The following PDGFRA variants were observed in gnomAD, a reference collection of about 807,000 sequenced individuals.
The protein encoded by PDGFRA is platelet-derived growth factor receptor alpha.
A neutral mutation model predicts 121.5 loss-of-function variants in PDGFRA; 25 were observed. The observed-to-expected ratio is 0.21, with a 90% CI of 0.15 to 0.29. The LOEUF (loss-of-function observed/expected upper bound fraction) is 0.29. Ranked by LOEUF, PDGFRA falls within the 10% of genes least tolerant of loss-of-function variation. The pLI is 1.00. For missense variants in PDGFRA, 1,008 were observed against 1,345.1 expected, an observed-to-expected ratio of 0.75 and a Z score of 3.92; for synonymous variants, 463 against 494.8, an observed-to-expected ratio of 0.94 and a Z score of 0.85.
intron 1 of PDGFRA, among the ~76,000 whole-genome samples, chr4:54,255,925 C>G (rs74406278): frequency 3.3e-5 from 5 of 152,162 alleles, no homozygotes; most frequent in African/African-American, 7.2e-5. Flanking sequence ...TAGGCCCACT[C>G]CATTGCATGA....
At chr4:54,290,603 G>A in intron 22 of PDGFRA, 49 bp downstream of exon 22, 2 of 1,609,326 alleles carry the variant, frequency 1.2e-6, no homozygotes, top group Non-Finnish European at 8.5e-7. Context: ...TCCCCTATAG[G>A]CCCTGAAGGA....
intron 2 of PDGFRA, among the ~76,000 whole-genome samples, chr4:54,259,070 G>A (rs565409862): frequency 1.8e-4 from 27 of 152,266 alleles, no homozygotes; most frequent in African/African-American, 5.8e-4. Context: ...TTGAAATGTT[G>A]TTAGTAATAA....
At chr4:54,233,306 G>C (rs1295532312) in intron 1 of PDGFRA, among the ~76,000 whole-genome samples, 1 of 152,218 alleles carries the variant, frequency 6.6e-6, no homozygotes, top group African/African-American at 2.4e-5. Flanking sequence ...TCTGGGTCCC[G>C]GGGTCAGAAG....
chr4:54,274,837 A>G lies in PDGFRA; in HGVS notation c.1654-4A>G, dbSNP rs371400466. ...CACCAGTTACCTGTCCTGGTCATTT[A>G]TAGAAACCGAGGTATGAAATTCGCT... On this transcript the variant is annotated splice_polypyrimidine_tract_variant and splice_region_variant and intron_variant, in intron 11 of 22. Coordinates refer to ENST00000257290, the MANE Select transcript of PDGFRA (RefSeq NM_006206.6). 30 of 1,614,014 alleles carry G rather than the reference A, an allele frequency of 1.9e-5. No homozygotes were observed. Among genetic ancestry groups the G allele is most frequent in the Non-Finnish European group, 2.4e-5 (28 of 1,179,996 alleles).
chr4:54,234,951 C>G (rs1228053394), intron 1 of PDGFRA, among the ~76,000 whole-genome samples: 1 of 152,182 alleles, frequency 6.6e-6, no homozygotes, highest in Non-Finnish European at 1.5e-5. Flanking sequence ...TAAAAACACT[C>G]CAGCCCCCTC....
chr4:54,285,077 G>A (rs1300954914), intron 16 of PDGFRA, among the ~76,000 whole-genome samples: 1 of 151,542 alleles, frequency 6.6e-6, no homozygotes, highest in Non-Finnish European at 1.5e-5. Context: ...TGTATTATTA[G>A]TAGAGATAGG....
At chr4:54,281,855 A>T in intron 16 of PDGFRA, 1 of 1,234,444 alleles carries the variant, frequency 8.1e-7, no homozygotes, top group Non-Finnish European at 1.0e-6. Flanking sequence ...CTCAAAGGAA[A>T]GTCATTGGCA....
chr4:54,247,918 T>C (rs1721790062), intron 1 of PDGFRA, among the ~76,000 whole-genome samples: 1 of 152,188 alleles, frequency 6.6e-6, no homozygotes, highest in Admixed American at 6.5e-5. Context: ...AGCATTCTTA[T>C]ACACCAATAA....
In PDGFRA at chr4:54,270,675, C is replaced by T. The variant is rs1577719555; in HGVS notation, c.1164C>T (p.Asp388=). The T allele has an allele frequency of 1.2e-6, 2 of 1,612,386 alleles. No homozygotes were observed. The highest frequency in any genetic ancestry group is 1.7e-6 in the Non-Finnish European group (2 of 1,178,526). The part of the protein sequence containing the change: ...KLKLIRAKEE[D]SGHYTIVAQN... ...AGCTGATCCGTGCTAAGGAAGAAGA[C>T]AGTGGCCATTATACTATTGTAGCTC... The change falls in exon 8 of 23, where the codon GAC becomes GAT. Residue 388 remains aspartate (D), a synonymous_variant. Coordinates refer to ENST00000257290, the MANE Select transcript of PDGFRA (RefSeq NM_006206.6).
chr4:54,242,632 A>G (rs947401080), intron 1 of PDGFRA, among the ~76,000 whole-genome samples: 1 of 151,732 alleles, frequency 6.6e-6, no homozygotes, highest in African/African-American at 2.4e-5. Context: ...CTTGGAACTT[A>G]TTTTTTTGAG....
rs140195789 is a variant in PDGFRA at position 54,262,817 on chromosome 4, G to A, written c.368-850G>A. On this transcript the variant is annotated intron_variant, in intron 3 of 22. Transcript: ENST00000257290. Reference sequence around the variant, plus strand: ...CTGCTGTGAAGAGAATGGTAGGAACGTGAATGTGTTAAAGGCACACGAGTC... The same window carrying A: ...CTGCTGTGAAGAGAATGGTAGGAACATGAATGTGTTAAAGGCACACGAGTC... Among the ~76,000 whole-genome samples, 126 of 152,322 alleles carry A rather than the reference G, an allele frequency of 8.3e-4. No homozygotes were observed. The East Asian group carries it at 0.018, about 22-fold the overall frequency.
intron 7 of PDGFRA, among the ~76,000 whole-genome samples, chr4:54,270,307 TTTTA>T (rs1356199608): frequency 6.6e-6 from 1 of 152,158 alleles, no homozygotes; most frequent in Non-Finnish European, 1.5e-5. Flanking sequence ...AATCAAAGGT[TTTTA>T]TTTTTTATTT....
chr4:54,259,662 T>C (rs142139246), intron 2 of PDGFRA, among the ~76,000 whole-genome samples: 21 of 152,290 alleles, frequency 1.4e-4, no homozygotes, highest in African/African-American at 4.8e-4. Flanking sequence ...CATTTGGATA[T>C]GGTAGAATTG....
At chr4:54,267,867 A>G in intron 7 of PDGFRA, 126 bp downstream of exon 7, 1 of 761,110 alleles carries the variant, frequency 1.3e-6, no homozygotes, top group Non-Finnish European at 2.3e-6. Flanking sequence ...GAGTTAAGAG[A>G]TGCTTGAAAT....
At chr4:54,295,067 A>T (rs375016370) in intron 22 of PDGFRA, 58 bp from the exon 23 acceptor site, 8 of 1,543,676 alleles carry the variant, frequency 5.2e-6, no homozygotes, top group African/African-American at 1.4e-5. Context: ...GGGGGGCCAC[A>T]GTCTAGGTCT....
At chr4:54,247,071 T>G (rs1250890961) in intron 1 of PDGFRA, among the ~76,000 whole-genome samples, 2 of 152,192 alleles carry the variant, frequency 1.3e-5, no homozygotes, top group Non-Finnish European at 2.9e-5. Context: ...ATTGTGGCAA[T>G]AATCAGTAGC....
In PDGFRA at chr4:54,296,185, C is replaced by T. The variant is rs1724870471; in HGVS notation, c.*913C>T. The T allele has an allele frequency of 4.3e-6, 1 of 232,738 alleles. No individual in the cohort carries two copies. Among genetic ancestry groups the T allele is most frequent in the African/African-American group, 2.2e-5 (1 of 45,280 alleles). 14.4% of individuals were successfully genotyped at this position (232,738 alleles called of 1,614,324 possible). A position where few individuals can be genotyped will look rare whatever the true frequency, so the allele number is the denominator to read the frequency against. ...ATTTTTAACTGTACTGAATAGGTTC[C>T]CCAATCCATCGTATTAAAAAACAAT... On this transcript the variant is annotated 3_prime_UTR_variant, in exon 23 of 23. Coordinates refer to ENST00000257290, the MANE Select transcript of PDGFRA (RefSeq NM_006206.6).
intron 1 of PDGFRA, among the ~76,000 whole-genome samples, chr4:54,233,039 C>G (rs1017725744): frequency 1.7e-4 from 26 of 152,110 alleles, no homozygotes; most frequent in African/African-American, 6.3e-4. Context: ...CCCCACCCGC[C>G]CGGATTCTCT....
intron 1 of PDGFRA, among the ~76,000 whole-genome samples, chr4:54,257,230 C>T (rs1722423149): frequency 6.6e-6 from 1 of 152,098 alleles, no homozygotes; most frequent in Admixed American, 6.5e-5. Context: ...GGAAGTTACC[C>T]TATATGGTGG....
Sources: allele counts gnomAD v4.1 joint callset (sites outside exome capture counted in the v4.1 genomes callset), GRCh38; gene constraint gnomAD v4.1.1; transcripts MANE v1.5; gene names NCBI Gene and HGNC (gene_info 2026-07-23, HGNC 2026-07-21).